UAP1: variants seen among roughly 807,000 people sequenced by gnomAD.
UAP1 encodes the protein UDP-N-acetylhexosamine pyrophosphorylase.
Under a neutral mutation model 58.5 loss-of-function variants are expected in UAP1, and 25 were observed. The ratio of observed to expected loss-of-function variants is 0.43; its 90% CI spans 0.31 to 0.60. The LOEUF (loss-of-function observed/expected upper bound fraction) is 0.60, where lower values mean the gene tolerates loss of function less well. Ranked by LOEUF, UAP1 falls within the 20% of genes least tolerant of loss-of-function variation. UAP1 has a pLI of 0.11. For synonymous variants in UAP1, 208 were observed against 213.0 expected (o/e 0.98, Z 0.21); for missense variants, 575 against 630.0 (o/e 0.91, Z 0.93).
At chr1:162,595,877 T>C (rs1202701354) in intron 9 of UAP1, among the ~76,000 whole-genome samples, 1 of 152,126 alleles carries the variant, frequency 6.6e-6, no homozygotes, top group Non-Finnish European at 1.5e-5. Flanking sequence ...TTTGAGACAG[T>C]GTCTTGCTCT....
exon 5 of UAP1, chr1:162,581,346 C>G (rs1195629196): frequency 6.2e-7 from 1 of 1,613,972 alleles, no homozygotes. Context: ...GGATATGGAG[C>G]AAAGAGGCAT....
intron 9 of UAP1, among the ~76,000 whole-genome samples, chr1:162,594,897 C>T (rs538919565): frequency 6.6e-6 from 1 of 152,232 alleles, no homozygotes. Context: ...CCTGCGTAAT[C>T]CTTAGCACCA....
intron 2 of UAP1, among the ~76,000 whole-genome samples, chr1:162,570,545 C>T (rs1450569812): frequency 6.6e-6 from 1 of 152,060 alleles, no homozygotes; most frequent in East Asian, 1.9e-4. Context: ...AGTTTGGTAT[C>T]TATGTCTAAA....
intron 5 of UAP1, among the ~76,000 whole-genome samples, chr1:162,582,174 A>C (rs1281969024): frequency 2.0e-5 from 3 of 152,204 alleles, no homozygotes; most frequent in Non-Finnish European, 2.9e-5. Context: ...CATTACTAGA[A>C]GTCTGTATAG....
chr1:162,576,771 T>C lies in UAP1; in HGVS notation c.281-6T>C. On this transcript the variant is annotated splice_polypyrimidine_tract_variant and splice_region_variant and intron_variant, in intron 2 of 10. Coordinates refer to ENST00000271469, the Ensembl canonical transcript of UAP1. ...GGTTTTGTGATACAAGTGTTTTCTT[T>C]TCTAGGACTTTTCCAGATTTCTCAG... is the stretch of plus-strand genomic sequence containing the variant. 1.2e-6 allele frequency: 2 copies of C among 1,613,234 alleles called. No individual in the cohort carries two copies. The highest frequency in any genetic ancestry group is 1.7e-6 in the Non-Finnish European group (2 of 1,179,684).
At chr1:162,583,389 A>AGG (rs1209615558) in intron 5 of UAP1, among the ~76,000 whole-genome samples, 2 of 151,320 alleles carry the variant, frequency 1.3e-5, no homozygotes, top group African/African-American at 4.9e-5. Context: ...GCCTGACCTC[A>AGG]TGATCCACAC....
chr1:162,567,700 A>C (rs1000691017), intron 2 of UAP1, among the ~76,000 whole-genome samples: 20 of 152,214 alleles, frequency 1.3e-4, no homozygotes, highest in Admixed American at 1.2e-3. Flanking sequence ...TATTGCAAAA[A>C]TAATATTGAA....
intron 5 of UAP1, among the ~76,000 whole-genome samples, chr1:162,584,449 G>T (rs1291361267): frequency 6.6e-6 from 1 of 152,086 alleles, no homozygotes; most frequent in Non-Finnish European, 1.5e-5. Context: ...TTCATACTGT[G>T]GTAGTAGAAT....
At chr1:162,566,246 T>G (rs781399817) in exon 2 of UAP1, 1 of 1,614,174 alleles carries the variant, frequency 6.2e-7, no homozygotes, top group South Asian at 1.1e-5. Context: ...TAACCAGTCT[T>G]CTCACCAAAA....
intron 9 of UAP1, among the ~76,000 whole-genome samples, chr1:162,594,285 C>T (rs1655493054): frequency 6.6e-6 from 1 of 152,186 alleles, no homozygotes; most frequent in Admixed American, 6.5e-5. Context: ...GAGCACACAA[C>T]CTAGATCCCT....
downstream of UAP1, among the ~76,000 whole-genome samples, chr1:162,600,359 A>C (rs1258710499): frequency 6.6e-6 from 1 of 152,182 alleles, no homozygotes; most frequent in Non-Finnish European, 1.5e-5. Context: ...ATTTTAGAGG[A>C]TTAAAAAAAT....
intron 2 of UAP1, among the ~76,000 whole-genome samples, chr1:162,574,364 A>T (rs1407923916): frequency 1.3e-5 from 2 of 152,100 alleles, no homozygotes; most frequent in East Asian, 1.9e-4. Context: ...AAGTGTTGAG[A>T]TTACAGGTGT....
At chr1:162,600,884 G>T (rs991137558), downstream of UAP1, among the ~76,000 whole-genome samples, 3 of 152,160 alleles carry the variant, frequency 2.0e-5, no homozygotes, top group African/African-American at 4.8e-5. Context: ...GCTCCTGAAT[G>T]CCAAAAACTG....
intron 2 of UAP1, among the ~76,000 whole-genome samples, chr1:162,576,536 C>T (rs182635478): frequency 1.2e-4 from 19 of 152,220 alleles, no homozygotes; most frequent in Admixed American, 1.3e-4. Flanking sequence ...CTGTGCCTTA[C>T]GTTGATAAGC....
exon 5 of UAP1, chr1:162,581,310 G>A: frequency 6.2e-7 from 1 of 1,612,402 alleles, no homozygotes; most frequent in Non-Finnish European, 8.5e-7. Context: ...TCTTTATCGG[G>A]CACTTGCAGC....
downstream of UAP1, among the ~76,000 whole-genome samples, chr1:162,601,100 C>A (rs1000072010): frequency 1.3e-5 from 2 of 152,042 alleles, no homozygotes; most frequent in South Asian, 2.1e-4. Flanking sequence ...ACTCTGAGAG[C>A]CTCTGAGCCA....
chr1:162,599,508 A>T (rs867203105), exon 11 of UAP1: 4 of 493,170 alleles, frequency 8.1e-6, no homozygotes, highest in South Asian at 3.5e-5. Flanking sequence ...GAGCTATTGC[A>T]AACTTCCCAA....
At chr1:162,590,627 A>G in intron 8 of UAP1, 116 bp downstream of exon 8, 1 of 725,614 alleles carries the variant, frequency 1.4e-6, no homozygotes, top group Non-Finnish European at 2.1e-6. Context: ...CAAAGTTTTG[A>G]TGTGTGAACA....
chr1:162,576,939 A>G (rs1276136552), exon 3 of UAP1: 7 of 1,614,094 alleles, frequency 4.3e-6, no homozygotes, highest in Non-Finnish European at 5.9e-6. Context: ...AAGCTACAGC[A>G]GGTTGCTGAA....
Sources: gnomAD v4.1 joint callset for allele counts (sites outside exome capture counted in the v4.1 genomes callset) on GRCh38, gnomAD v4.1.1 for gene constraint, MANE v1.5 for transcripts, NCBI Gene and HGNC (gene_info 2026-07-23, HGNC 2026-07-21) for gene names.